FASLG: variants seen among roughly 807,000 people sequenced by gnomAD.
FASLG encodes tumor necrosis factor ligand superfamily member 6.
Under a neutral mutation model 24.6 loss-of-function variants are expected in FASLG, and 9 were observed. That is an observed-to-expected ratio of 0.37 (90% CI 0.22 to 0.64). The LOEUF is 0.64. FASLG is among the 30% of genes least tolerant of loss of function. The pLI is 0.64. For synonymous variants in FASLG, 130 were observed against 135.5 expected, an observed-to-expected ratio of 0.96 and a Z score of 0.28; for missense variants, 306 against 345.3, an observed-to-expected ratio of 0.89 and a Z score of 0.90.
At position 172,666,694 on chromosome 1, in the gene FASLG, A is replaced by C. The variant is rs1246343391; in HGVS notation, c.*678A>C. ...GATATTGTGAAGTACATATTAGGAA[A>C]ATATGGGTTGCATTTGGTCAAGATT... On this transcript the variant is annotated 3_prime_UTR_variant, in exon 4 of 4. Transcript: ENST00000367721. The C allele has an allele frequency of 6.6e-6, 1 of 152,600 alleles. No individual in the cohort carries two copies. The highest frequency in any genetic ancestry group is 1.5e-5 in the Non-Finnish European group (1 of 68,062). The allele number at this position is 152,600 out of a possible 1,614,324, so 9.5% of individuals were successfully genotyped here.
In FASLG at chr1:172,659,424, G is replaced by C. The variant is rs374067006; in HGVS notation, c.223G>C (p.Gly75Arg). 3 of 1,613,346 alleles carry C rather than the reference G, an allele frequency of 1.9e-6. No homozygotes were observed. The highest frequency in any genetic ancestry group is 2.5e-6 in the Non-Finnish European group (3 of 1,179,720). ...ACCGCTGCCACCCCTGAAGAAGAGA[G>C]GGAACCACAGCACAGGCCTGTGTCT... ...PLPLPPLKKR[G>R]NHSTGLCLLV... Residue 75 changes from glycine (G) to arginine (R), a missense_variant, in exon 1 of 4, where the codon GGG becomes CGG. Transcript: ENST00000367721.
intron 1 of FASLG, among the ~76,000 whole-genome samples, chr1:172,659,846 C>G (rs1207070626): frequency 1.3e-5 from 2 of 152,038 alleles, no homozygotes; most frequent in Non-Finnish European, 2.9e-5. Flanking sequence ...AACAAACAAA[C>G]AAAACTTTTA....
At chr1:172,662,410 G>T (rs1489033792) in intron 2 of FASLG, among the ~76,000 whole-genome samples, 1 of 152,194 alleles carries the variant, frequency 6.6e-6, no homozygotes, top group Non-Finnish European at 1.5e-5. Flanking sequence ...GCTAGATGTT[G>T]GGTGTTGGAT....
intron 2 of FASLG, among the ~76,000 whole-genome samples, chr1:172,663,983 A>T (rs961633025): frequency 6.6e-6 from 1 of 152,158 alleles, no homozygotes; most frequent in Non-Finnish European, 1.5e-5. Flanking sequence ...TCATTTTGCA[A>T]TCGATAAGGT....
At position 172,666,255 on chromosome 1, in the gene FASLG, G is replaced by T; in HGVS notation, c.*239G>T. The T allele has an allele frequency of 1.8e-6, 1 of 543,590 alleles. No individual in the cohort carries two copies. The highest frequency in any genetic ancestry group is 2.2e-5 in the South Asian group (1 of 44,518). 33.7% of individuals were successfully genotyped at this position (543,590 alleles called of 1,614,324 possible). On this transcript the variant is annotated 3_prime_UTR_variant, in exon 4 of 4. Coordinates refer to ENST00000367721, the MANE Select transcript of FASLG (RefSeq NM_000639.3). ...AGAACTCTGGGCTGCCATGTGAAGA[G>T]GGAGAAGCATGAAAAAGCAGCTACC...
chr1:172,665,294 A>G (rs1020351143), intron 3 of FASLG, among the ~76,000 whole-genome samples: 2 of 152,204 alleles, frequency 1.3e-5, no homozygotes, highest in Admixed American at 1.3e-4. Flanking sequence ...TTCCTTCAGG[A>G]AAGGACTTCA....
At chr1:172,664,035 A>C (rs979785693) in intron 2 of FASLG, among the ~76,000 whole-genome samples, 1 of 152,212 alleles carries the variant, frequency 6.6e-6, no homozygotes, top group Non-Finnish European at 1.5e-5. Flanking sequence ...GTGAGTTCTA[A>C]ATGCAATAAC....
intron 1 of FASLG, 26 bp downstream of exon 1, chr1:172,659,575 C>A (rs1288683126): frequency 3.1e-6 from 5 of 1,611,886 alleles, no homozygotes; most frequent in Non-Finnish European, 4.2e-6. Flanking sequence ...GACTGCTGTG[C>A]CCTGGAGGCA....
rs755648147 is a variant in FASLG at position 172,659,335 on chromosome 1, CACCACCACCACCGCCACCGCCACCACT to C, written c.141_167del (p.Pro57_Pro65del). 11 of 1,611,204 alleles carry C rather than the reference CACCACCACCACCGCCACCGCCACCACT, an allele frequency of 6.8e-6. No homozygotes were observed. Among genetic ancestry groups the C allele is most frequent in the Non-Finnish European group, 9.3e-6 (11 of 1,178,938 alleles). On this transcript the variant is annotated inframe_deletion, in exon 1 of 4. Coordinates refer to ENST00000367721, the MANE Select transcript of FASLG (RefSeq NM_000639.3). ...CCCAGAAGGCCTGGTCAAAGGAGGC[CACCACCACCACCGCCACCGCCACCACT>C]ACCACCTCCGCCGCCGCCGCCACCA...
rs764034959 is a variant in FASLG at position 172,666,054 on chromosome 1, G to A, written c.*38G>A. ...GGGATTCTTTCCATTATGATTCTTT[G>A]TTACAGGCACCGAGAATGTTGTATT... On this transcript the variant is annotated 3_prime_UTR_variant, in exon 4 of 4. Coordinates refer to ENST00000367721, the MANE Select transcript of FASLG (RefSeq NM_000639.3). The A allele has an allele frequency of 2.5e-6, 4 of 1,611,618 alleles. No homozygotes were observed. The highest frequency in any genetic ancestry group is 3.4e-6 in the Non-Finnish European group (4 of 1,179,434).
intron 3 of FASLG, among the ~76,000 whole-genome samples, chr1:172,665,382 C>A (rs1659236148): frequency 6.6e-6 from 1 of 152,172 alleles, no homozygotes; most frequent in Non-Finnish European, 1.5e-5. Context: ...TCAATAATTT[C>A]TTACTGCAAT....
At position 172,665,976 on chromosome 1, in the gene FASLG, T is replaced by C. The variant is rs751572121; in HGVS notation, c.806T>C (p.Phe269Ser). ...GTATCTGAGCTCTCTCTGGTCAATT[T>C]TGAGGAATCTCAGACGTTTTTCGGC... ...VNVSELSLVN[F>S]EESQTFFGLY... The change falls in exon 4 of 4, where the codon TTT (phenylalanine) becomes TCT (serine). Residue 269 changes from phenylalanine to serine, a missense_variant. Coordinates refer to ENST00000367721, the MANE Select transcript of FASLG (RefSeq NM_000639.3). 12 of 1,614,174 alleles carry C rather than the reference T, an allele frequency of 7.4e-6. No homozygotes were observed. The highest frequency in any genetic ancestry group is 1.0e-5 in the Non-Finnish European group (12 of 1,180,006).
intron 2 of FASLG, among the ~76,000 whole-genome samples, chr1:172,661,795 TG>T (rs1659148458): frequency 6.6e-6 from 1 of 152,082 alleles, no homozygotes; most frequent in Non-Finnish European, 1.5e-5. Context: ...GACAAAGATT[TG>T]AGAGAAAAGT....
rs750572204 is a variant in FASLG, at chr1:172,659,315, A to G, written c.114A>G (p.Arg38=). The G allele has an allele frequency of 3.1e-6, 5 of 1,613,874 alleles. No homozygotes were observed. Among genetic ancestry groups the G allele is most frequent in the Non-Finnish European group, 4.2e-6 (5 of 1,179,988 alleles). The change falls in exon 1 of 4, where the codon AGA becomes AGG. Residue 38 remains arginine, a synonymous_variant. Transcript: ENST00000367721. Reference sequence around the variant, plus strand: ...TTCCCTGTCCAACCTCTGTGCCCAGAAGGCCTGGTCAAAGGAGGCCACCAC... The same window carrying G: ...TTCCCTGTCCAACCTCTGTGCCCAGGAGGCCTGGTCAAAGGAGGCCACCAC... ...TVLPCPTSVP[R]RPGQRRPPPP...
intron 2 of FASLG, among the ~76,000 whole-genome samples, chr1:172,660,882 T>C (rs557697502): frequency 2.6e-5 from 4 of 152,370 alleles, no homozygotes; most frequent in Non-Finnish European, 2.9e-5. Context: ...TACAGTGTGC[T>C]TCACTAGTCT....
chr1:172,666,117 A>G lies in FASLG; in HGVS notation c.*101A>G. On this transcript the variant is annotated 3_prime_UTR_variant, in exon 4 of 4. Transcript: ENST00000367721. ...TCTTACATGCATTTGAGGTCAAGTAAGAAGACATGAACCAAGTGGACCTTG... is the reference window on the plus strand; with the variant it reads ...TCTTACATGCATTTGAGGTCAAGTAGGAAGACATGAACCAAGTGGACCTTG... 2 of 1,446,682 alleles carry G rather than the reference A, an allele frequency of 1.4e-6. No individual in the cohort carries two copies. The highest frequency in any genetic ancestry group is 1.2e-5 in the South Asian group (1 of 84,952). 89.6% of individuals were successfully genotyped at this position (1,446,682 alleles called of 1,614,324 possible). A position where few individuals can be genotyped will look rare whatever the true frequency, so the allele number is the denominator to read the frequency against.
Position 172,666,679 on chromosome 1 carries a change from A to G in FASLG, c.*663A>G, listed in dbSNP as rs1168554166. On this transcript the variant is annotated 3_prime_UTR_variant, in exon 4 of 4. Coordinates refer to ENST00000367721, the MANE Select transcript of FASLG (RefSeq NM_000639.3). ...TAAAGAGAGAATGTAGATATTGTGA[A>G]GTACATATTAGGAAAATATGGGTTG... 1 of 152,288 alleles carries G rather than the reference A, an allele frequency of 6.6e-6. No individual in the cohort carries two copies. The highest frequency in any genetic ancestry group is 1.5e-5 in the Non-Finnish European group (1 of 68,034). 9.4% of individuals were successfully genotyped at this position (152,288 alleles called of 1,614,324 possible).
intron 2 of FASLG, 87 bp downstream of exon 2, chr1:172,660,227 C>A (rs563719335): frequency 1.1e-5 from 15 of 1,363,958 alleles, no homozygotes; most frequent in Non-Finnish European, 1.5e-5. Context: ...AATTCTGTCC[C>A]ACACTTTGGT....
intron 2 of FASLG, among the ~76,000 whole-genome samples, chr1:172,662,204 A>G (rs1268915244): frequency 6.6e-6 from 1 of 152,246 alleles, no homozygotes; most frequent in Non-Finnish European, 1.5e-5. Context: ...GTTTAGTTTC[A>G]TACTGACTAT....
Sources: gnomAD v4.1 joint callset for allele counts (sites outside exome capture counted in the v4.1 genomes callset) on GRCh38, gnomAD v4.1.1 for gene constraint, MANE v1.5 for transcripts, NCBI Gene and HGNC (gene_info 2026-07-23, HGNC 2026-07-21) for gene names.